The following TBC1D1 variants were observed in gnomAD, a reference collection of about 807,000 sequenced individuals.
TBC1D1 encodes the protein TBC1 domain family member 1, also known as TBC1 (tre-2/USP6, BUB2, cdc16) domain family, member 1.
A neutral mutation model predicts 125.6 loss-of-function variants in TBC1D1; 89 were observed. The observed-to-expected ratio is 0.71, with a 90% CI of 0.60 to 0.85. The LOEUF (loss-of-function observed/expected upper bound fraction) is 0.85. Ranked by LOEUF, TBC1D1 falls within the 40% of genes least tolerant of loss-of-function variation. The pLI is 0.00. For missense variants in TBC1D1, 1,377 were observed against 1,469.2 expected (o/e 0.94, Z 1.03); for synonymous variants, 565 against 564.1 (o/e 1.00, Z -0.02).
intron 2 of TBC1D1, among the ~76,000 whole-genome samples, chr4:37,968,435 C>T (rs936165386): frequency 1.3e-5 from 2 of 152,180 alleles, no homozygotes; most frequent in East Asian, 1.9e-4. Context: ...CTCATGAAGT[C>T]GGCTTGCTGT....
chr4:37,904,606 A>G (rs1716903505), intron 2 of TBC1D1, among the ~76,000 whole-genome samples: 1 of 152,242 alleles, frequency 6.6e-6, no homozygotes, highest in African/African-American at 2.4e-5. Context: ...AAATTCTGTA[A>G]TTGGGACTTC....
At chr4:37,961,033 A>C in intron 2 of TBC1D1, 1 of 1,612,904 alleles carries the variant, frequency 6.2e-7, no homozygotes, top group Non-Finnish European at 8.5e-7. Flanking sequence ...TTGCTATGAC[A>C]TAGATATTTA....
intron 17 of TBC1D1, among the ~76,000 whole-genome samples, chr4:38,121,622 A>G (rs192920037): frequency 3.9e-5 from 6 of 152,348 alleles, no homozygotes; most frequent in Non-Finnish European, 7.3e-5. Context: ...GGCGGCTCCA[A>G]CAGTTCACTG....
chr4:38,034,187 A>G (rs945194544), intron 7 of TBC1D1, among the ~76,000 whole-genome samples: 3 of 152,222 alleles, frequency 2.0e-5, no homozygotes, highest in Non-Finnish European at 2.9e-5. Context: ...CCTTTGATCT[A>G]GCAGTGTTAA....
intron 15 of TBC1D1, among the ~76,000 whole-genome samples, chr4:38,114,244 G>A (rs1762606701): frequency 6.6e-6 from 1 of 152,182 alleles, no homozygotes; most frequent in African/African-American, 2.4e-5. Context: ...TTGCTTACTA[G>A]CAGCAAGGTG....
rs191123149 is a variant in TBC1D1 at position 37,986,023 on chromosome 4, C to A, written c.418-28486C>A. ...CCAACTGTTTGCCTTGTTTTTGAGA[C>A]CACTGATTTTTAACCTTGGGGAAGG... On this transcript the variant is annotated intron_variant, in intron 2 of 19. Transcript: ENST00000261439. Among the ~76,000 whole-genome samples the A allele has an allele frequency of 1.4e-3, 209 of 152,316 alleles. 2 individuals are homozygous for A. Among genetic ancestry groups the A allele is most frequent in the South Asian group, 4.1e-3 (20 of 4,822 alleles).
chr4:38,005,488 T>C (rs1289253232), intron 2 of TBC1D1, among the ~76,000 whole-genome samples: 2 of 152,192 alleles, frequency 1.3e-5, no homozygotes, highest in African/African-American at 4.8e-5. Context: ...TTTCCTTCCC[T>C]GGTGTTTATG....
intron 12 of TBC1D1, among the ~76,000 whole-genome samples, chr4:38,055,993 AT>A (rs1751636834): frequency 6.6e-6 from 1 of 152,150 alleles, no homozygotes; most frequent in African/African-American, 2.4e-5. Flanking sequence ...TCGCTTGGAA[AT>A]TTCTGCTCGG....
intron 15 of TBC1D1, chr4:38,110,578 A>G (rs1347245413): frequency 2.0e-6 from 2 of 985,322 alleles, no homozygotes; most frequent in Non-Finnish European, 2.4e-6. Context: ...ATATTTCTCC[A>G]CTTAGATCCA....
At chr4:38,057,122 A>G (rs962104598) in intron 12 of TBC1D1, among the ~76,000 whole-genome samples, 1 of 151,938 alleles carries the variant, frequency 6.6e-6, no homozygotes, top group Non-Finnish European at 1.5e-5. Context: ...CCACCACCCA[A>G]TCTCCTGCAG....
chr4:38,084,811 A>G (rs1757193175), intron 12 of TBC1D1, among the ~76,000 whole-genome samples: 2 of 152,176 alleles, frequency 1.3e-5, no homozygotes, highest in Admixed American at 1.3e-4. Context: ...CACACAGAAA[A>G]AGCCAGAAAA....
chr4:37,902,449 T>G lies in TBC1D1; in HGVS notation c.354T>G (p.Ile118Met). The G allele has an allele frequency of 6.2e-7, 1 of 1,614,118 alleles. No homozygotes were observed. The highest frequency in any genetic ancestry group is 8.5e-7 in the Non-Finnish European group (1 of 1,179,988). The change falls in exon 2 of 20, where the codon ATT becomes ATG. Residue 118 changes from isoleucine (I) to methionine (M), a missense_variant. This residue lies in a region of TBC1D1 where 822 missense variants were observed against 824.6 expected (regional missense o/e 1.00). Transcript: ENST00000261439. ...ACCCAAGTTACTTTGCTTGTCTGAT[T>G]AAGGAAGACGCTGTCCACCGGCAGA... is the stretch of plus-strand genomic sequence containing the variant.
intron 18 of TBC1D1, among the ~76,000 whole-genome samples, chr4:38,126,271 C>T (rs1198027175): frequency 2.0e-5 from 3 of 152,168 alleles, no homozygotes; most frequent in Admixed American, 6.5e-5. Flanking sequence ...ATATGCAGTT[C>T]GCCATTGACC....
intron 17 of TBC1D1, among the ~76,000 whole-genome samples, chr4:38,119,191 CAA>C (rs1285474073): frequency 6.6e-6 from 1 of 152,056 alleles, no homozygotes; most frequent in Non-Finnish European, 1.5e-5. Flanking sequence ...GGGAAATGTT[CAA>C]AGACATTGAT....
intron 19 of TBC1D1, among the ~76,000 whole-genome samples, chr4:38,136,823 C>G (rs1766705148): frequency 6.6e-6 from 1 of 152,254 alleles, no homozygotes; most frequent in African/African-American, 2.4e-5. Flanking sequence ...CAAGCTGTCC[C>G]TCTGGTGGTG....
At chr4:38,115,549 C>T (rs533240357) in intron 15 of TBC1D1, among the ~76,000 whole-genome samples, 161 bp from the exon 18 acceptor site, 5 of 152,188 alleles carry the variant, frequency 3.3e-5, no homozygotes, top group Non-Finnish European at 7.3e-5. Flanking sequence ...CCAGGAATAA[C>T]TGGTGGACTT....
chr4:37,971,538 C>CT, intron 2 of TBC1D1, among the ~76,000 whole-genome samples: 1 of 152,242 alleles, frequency 6.6e-6, no homozygotes, highest in South Asian at 2.1e-4. Context: ...CACTGTGTCC[C>CT]TCCCACAACT....
chr4:38,028,887 T>C (rs1376951620), intron 7 of TBC1D1, among the ~76,000 whole-genome samples: 1 of 152,202 alleles, frequency 6.6e-6, no homozygotes, highest in Non-Finnish European at 1.5e-5. Context: ...TTTTTTTCAT[T>C]TTTGAAAATA....
chr4:38,015,645 C>A (rs983894534), intron 3 of TBC1D1, among the ~76,000 whole-genome samples: 2 of 152,098 alleles, frequency 1.3e-5, no homozygotes, highest in Non-Finnish European at 2.9e-5. Flanking sequence ...GGAGCTGTCC[C>A]GGCAGCGAGC....
Sources: allele counts gnomAD v4.1 joint callset (sites outside exome capture counted in the v4.1 genomes callset), GRCh38; gene constraint gnomAD v4.1.1; regional missense constraint gnomAD v4.1.1; transcripts MANE v1.5; gene names NCBI Gene and HGNC (gene_info 2026-07-23, HGNC 2026-07-21).